Variants in EPHA6 observed in about 807,000 individuals in gnomAD.
The protein encoded by EPHA6 is EPH receptor A6.
EPHA6 carries 50 observed loss-of-function variants against 112.0 expected under a neutral mutation model. That is an observed-to-expected ratio of 0.45 (90% confidence interval 0.36 to 0.56). EPHA6 has a LOEUF of 0.56. Ranked by LOEUF, EPHA6 falls within the 20% of genes least tolerant of loss-of-function variation. The pLI is 0.00. For missense variants in EPHA6, 1,280 were observed against 1,417.4 expected, an observed-to-expected ratio of 0.90 and a Z score of 1.56; for synonymous variants, 529 against 490.7, an observed-to-expected ratio of 1.08 and a Z score of -1.03.
chr3:97,296,962 GAGA>G (rs1408600522), intron 5 of EPHA6, among the ~76,000 whole-genome samples: 4 of 152,178 alleles, frequency 2.6e-5, no homozygotes, highest in Non-Finnish European at 2.9e-5. Context: ...TTGGGCCCCA[GAGA>G]AGAATGCAGT....
At chr3:97,244,573 ATTAC>A (rs1368192740) in intron 5 of EPHA6, 2 of 393,624 alleles carry the variant, frequency 5.1e-6, no homozygotes, top group Non-Finnish European at 4.5e-6. Context: ...GTAAGTCCAT[ATTAC>A]TTACCAATAG....
intron 5 of EPHA6, among the ~76,000 whole-genome samples, chr3:97,388,602 A>G (rs766281109): frequency 6.6e-6 from 1 of 152,168 alleles, no homozygotes; most frequent in Non-Finnish European, 1.5e-5. Flanking sequence ...GTCTGTTTAG[A>G]TGATTTCTTA....
At chr3:97,182,859 A>G (rs2077027777) in intron 3 of EPHA6, among the ~76,000 whole-genome samples, 1 of 152,160 alleles carries the variant, frequency 6.6e-6, no homozygotes, top group African/African-American at 2.4e-5. Context: ...GCCACAGCCT[A>G]TGTTTTACTG....
At chr3:97,430,177 G>A (rs183293435) in intron 6 of EPHA6, among the ~76,000 whole-genome samples, 2 of 151,672 alleles carry the variant, frequency 1.3e-5, no homozygotes, top group Admixed American at 1.3e-4. Context: ...TATTACATTG[G>A]GCATTACTAA....
intron 3 of EPHA6, among the ~76,000 whole-genome samples, chr3:97,100,079 TG>T (rs1483268820): frequency 6.6e-6 from 1 of 151,874 alleles, no homozygotes; most frequent in Non-Finnish European, 1.5e-5. Flanking sequence ...ACTATTGTAT[TG>T]GCCAAAGCAA....
chr3:97,610,745 A>T, intron 12 of EPHA6, 48 bp from the exon 13 acceptor site: 1 of 1,461,506 alleles, frequency 6.8e-7, no homozygotes, highest in Non-Finnish European at 9.6e-7. Flanking sequence ...TGCAGCACAT[A>T]TTTCTGTAAT....
intron 11 of EPHA6, among the ~76,000 whole-genome samples, chr3:97,577,334 CAGAG>C (rs1287901241): frequency 2.0e-5 from 3 of 152,082 alleles, no homozygotes; most frequent in African/African-American, 7.2e-5. Flanking sequence ...GAGAGAAAAA[CAGAG>C]AGAAATGTTT....
At chr3:97,646,898 C>T (rs1454244502) in intron 14 of EPHA6, among the ~76,000 whole-genome samples, 2 of 152,118 alleles carry the variant, frequency 1.3e-5, no homozygotes. Context: ...GATATGAATG[C>T]TCCACTTTCA....
intron 4 of EPHA6, among the ~76,000 whole-genome samples, chr3:97,236,480 A>G (rs1464179750): frequency 6.6e-6 from 1 of 152,110 alleles, no homozygotes; most frequent in Non-Finnish European, 1.5e-5. Flanking sequence ...AGATTAACGC[A>G]TTTAACAAAC....
chr3:97,450,868 A>G (rs2090504653), intron 7 of EPHA6, among the ~76,000 whole-genome samples: 1 of 152,060 alleles, frequency 6.6e-6, no homozygotes, highest in South Asian at 2.1e-4. Flanking sequence ...AAGATTAGTG[A>G]CGTGTACTAT....
chr3:97,592,718 GC>G lies in EPHA6; in HGVS notation c.2499del (p.Arg834GlyfsTer8), dbSNP rs765418329. The G allele has an allele frequency of 6.3e-7, 1 of 1,599,914 alleles. No homozygotes were observed. Among genetic ancestry groups the G allele is most frequent in the Non-Finnish European group, 8.5e-7 (1 of 1,175,492 alleles). On this transcript the variant is annotated frameshift_variant, in exon 12 of 18. Transcript: ENST00000389672. LOFTEE classifies it high-confidence loss of function. Reference protein sequence around the residue: ...PHPVPGGGSLPPRIPAGRPVM... With the variant: ...PHPVPGGGSLXPRIPAGRPVM... ...ATCCAGTGCCAGGGGGAGGATCTTT[GC>G]CCCCCAGGATTCCTGCTGGTAGGTA...
At chr3:97,110,497 C>G (rs1314696815) in intron 3 of EPHA6, among the ~76,000 whole-genome samples, 5 of 151,612 alleles carry the variant, frequency 3.3e-5, no homozygotes, top group African/African-American at 1.2e-4. Flanking sequence ...TGTTAGATTG[C>G]CAGTATAACT....
intron 5 of EPHA6, among the ~76,000 whole-genome samples, chr3:97,376,173 CTTCAA>C (rs2085339264): frequency 6.6e-6 from 1 of 152,088 alleles, no homozygotes; most frequent in African/African-American, 2.4e-5. Context: ...GTAAGTTATA[CTTCAA>C]TTAAATTAAA....
intron 3 of EPHA6, among the ~76,000 whole-genome samples, chr3:97,141,345 A>G (rs542924240): frequency 1.9e-4 from 29 of 152,140 alleles, no homozygotes; most frequent in Non-Finnish European, 3.4e-4. Context: ...ATAGACATTT[A>G]TAGAATGTTC....
At chr3:97,619,699 C>T (rs1251080789) in intron 13 of EPHA6, among the ~76,000 whole-genome samples, 2 of 151,972 alleles carry the variant, frequency 1.3e-5, no homozygotes, top group Non-Finnish European at 1.5e-5. Context: ...CCTAGGAATA[C>T]ATCTAACAAG....
In EPHA6 at chr3:97,391,124, C is replaced by CT. The variant is rs1023190024; in HGVS notation, c.1607-14018dup. Among the ~76,000 whole-genome samples, 11 of 151,614 alleles carry CT rather than the reference C, an allele frequency of 7.3e-5. No individual in the cohort carries two copies. In the East Asian group the frequency reaches 9.7e-4, roughly 13 times the overall value. On this transcript the variant is annotated intron_variant, in intron 5 of 17. Coordinates refer to ENST00000389672, the MANE Select transcript of EPHA6 (RefSeq NM_001080448.3). ...TTACTATTATCATTATTATAATTAT[C>CT]TTTTTTTTACTTTTTTACATTAATT... is the stretch of plus-strand genomic sequence containing the variant.
At chr3:97,011,575 T>C (rs1270953191) in intron 3 of EPHA6, among the ~76,000 whole-genome samples, 2 of 152,228 alleles carry the variant, frequency 1.3e-5, no homozygotes, top group Non-Finnish European at 2.9e-5. Context: ...GCTAATTCTC[T>C]CATTTTGCAT....
intron 3 of EPHA6, among the ~76,000 whole-genome samples, chr3:97,020,493 T>C (rs186826584): frequency 6.6e-6 from 1 of 152,254 alleles, no homozygotes; most frequent in African/African-American, 2.4e-5. Flanking sequence ...GGAGCATAGA[T>C]GAAGAGTCAA....
At chr3:97,097,500 T>C (rs767224895) in intron 3 of EPHA6, among the ~76,000 whole-genome samples, 12 of 151,742 alleles carry the variant, frequency 7.9e-5, no homozygotes, top group Non-Finnish European at 1.5e-4. Context: ...TCTGAAAATA[T>C]AAGTTGTAGC....
Sources: gnomAD v4.1 joint callset for allele counts (sites outside exome capture counted in the v4.1 genomes callset) on GRCh38, gnomAD v4.1.1 for gene constraint, MANE v1.5 for transcripts, NCBI Gene and HGNC (gene_info 2026-07-23, HGNC 2026-07-21) for gene names.